PIEZO1: variants seen among roughly 807,000 people sequenced by gnomAD.
PIEZO1 encodes the protein piezo-type mechanosensitive ion channel component 1.
A neutral mutation model predicts 297.2 loss-of-function variants in PIEZO1; 296 were observed. The observed-to-expected ratio is 1.00, with a 90% CI of 0.91 to 1.10. The LOEUF (loss-of-function observed/expected upper bound fraction) is 1.10. Among genes scored for constraint, PIEZO1 ranks in the 50% least tolerant of loss-of-function variants. The pLI is 0.00. For missense variants in PIEZO1, 5,018 were observed against 3,455.5 expected, an observed-to-expected ratio of 1.45 and a Z score of -11.34; for synonymous variants, 2,427 against 1,507.5, an observed-to-expected ratio of 1.61 and a Z score of -14.13.
chr16:88,732,001 A>G, intron 21 of PIEZO1, 91 bp from the exon 22 acceptor site: 1 of 7,334 alleles, frequency 1.4e-4, no homozygotes, highest in Non-Finnish European at 2.2e-4. Context: ...GGCTTGCAGC[A>G]GCCCTGCCTG....
Position 88,721,230 on chromosome 16 carries a change from G to A in PIEZO1, c.5604C>T (p.Arg1868=), listed in dbSNP as rs1355450018. ...TCCTTCTTCTAAAACGTAGACTGAT[G>A]CGCCTCGTATCACGGGGCCTGAGCT... The part of the protein sequence containing the change: ...QVELRPRDTR[R]ISLRFRRRKK... Residue 1868 remains arginine (R), a synonymous_variant, in exon 39 of 51, where the codon CGC becomes CGT. Transcript: ENST00000301015. The A allele has an allele frequency of 1.9e-6, 3 of 1,539,436 alleles. No individual in the cohort carries two copies. Among genetic ancestry groups the A allele is most frequent in the East Asian group, 2.4e-5 (1 of 40,892 alleles).
Position 88,734,769 on chromosome 16 carries a change from G to A in PIEZO1, c.1878C>T (p.Leu626=), listed in dbSNP as rs558879845. Reference sequence around the variant, plus strand: ...CCACCACGAGCCACCAGAAGGCCTTGAGCAGCTTCCGCCACAGGCTGTAGT... The same window carrying A: ...CCACCACGAGCCACCAGAAGGCCTTAAGCAGCTTCCGCCACAGGCTGTAGT... The part of the protein sequence containing the change: ...QVYYSLWRKL[L]KAFWWLVVAY... The change falls in exon 15 of 51, where the codon CTC becomes CTT. Residue 626 remains leucine (L), a synonymous_variant. Coordinates refer to ENST00000301015, the MANE Select transcript of PIEZO1 (RefSeq NM_001142864.4). 1 of 1,550,366 alleles carries A rather than the reference G, an allele frequency of 6.5e-7. No individual in the cohort carries two copies. The highest frequency in any genetic ancestry group is 2.4e-5 in the East Asian group (1 of 40,924).
intron 1 of PIEZO1, among the ~76,000 whole-genome samples, chr16:88,756,139 A>G (rs552673905): frequency 2.3e-4 from 35 of 151,926 alleles, no homozygotes; most frequent in African/African-American, 8.4e-4. Flanking sequence ...GCCATCTGGG[A>G]GCCTCGAGGG....
rs1445988024 is a variant in PIEZO1, at chr16:88,720,510, G to C, written c.5824C>G (p.Leu1942Val). 91 of 1,550,074 alleles carry C rather than the reference G, an allele frequency of 5.9e-5. No individual in the cohort carries two copies. Among genetic ancestry groups the C allele is most frequent in the Non-Finnish European group, 7.4e-5 (85 of 1,146,970 alleles). Residue 1942 changes from leucine (L) to valine (V), a missense_variant, in exon 41 of 51, where the codon CTA (leucine) becomes GTA (valine). Leu to Val is a conservative substitution (Grantham distance 32). Transcript: ENST00000301015. ...LSLAQGTYRP[L>V]RRFFHDILHT... ...AGGATGTCGTGGAAGAAGCGCCGTA[G>C]CGGCCGATATGTGCCCTGGGCCCTG...
chr16:88,749,203 G>A (rs942817109), intron 2 of PIEZO1, among the ~76,000 whole-genome samples, 181 bp downstream of exon 2: 3 of 151,734 alleles, frequency 2.0e-5, no homozygotes, highest in African/African-American at 4.8e-5. Flanking sequence ...TCGCGCCACT[G>A]CACTCCAGCC....
chr16:88,734,129 G>A, intron 16 of PIEZO1, 75 bp from the exon 17 acceptor site: 11 of 1,446,252 alleles, frequency 7.6e-6, no homozygotes, highest in Non-Finnish European at 1.0e-5. Flanking sequence ...AAGAAGCCCT[G>A]TCGGCACCGC....
Position 88,715,929 on chromosome 16 carries a change from TCACC to T in PIEZO1, c.7316_7316+3del. On this transcript the variant is annotated splice_donor_variant and splice_donor_region_variant and coding_sequence_variant and intron_variant, in exon 50 of 51. Transcript: ENST00000301015. LOFTEE classifies it high-confidence loss of function. The stretch of plus-strand genomic sequence containing the variant: ...GCGGGGTGCCCCCCCAGCCACTCAC[TCACC>T]CGTAGCCAGCCAGGAAGCCGAGGCT... 6.5e-7 allele frequency: 1 copy of T among 1,548,162 alleles called. No homozygotes were observed. Among genetic ancestry groups the T allele is most frequent in the Non-Finnish European group, 8.7e-7 (1 of 1,145,448 alleles).
At position 88,726,953 on chromosome 16, in the gene PIEZO1, T is replaced by C. The variant is rs1348948980; in HGVS notation, c.3461A>G (p.Tyr1154Cys). 1.9e-6 allele frequency: 3 copies of C among 1,550,118 alleles called. No individual in the cohort carries two copies. The highest frequency in any genetic ancestry group is 2.6e-6 in the Non-Finnish European group (3 of 1,146,850). ...GACGGCCACCTTCAGCATGTCAAGG[T>C]AGGACCTGCCAGGCCGGAGCGTCAG... ...PVPNFIHCRSYLDMLKVAVFR... is the reference protein window; with the variant it reads ...PVPNFIHCRSCLDMLKVAVFR... The change falls in exon 25 of 51, where the codon TAC becomes TGC. Residue 1154 changes from tyrosine (Y) to cysteine (C), a missense_variant. Physicochemically the swap from Tyr to Cys is radical, Grantham distance 194. Coordinates refer to ENST00000301015, the MANE Select transcript of PIEZO1 (RefSeq NM_001142864.4).
At chr16:88,782,035 C>T (rs894282298) in intron 1 of PIEZO1, among the ~76,000 whole-genome samples, 7 of 152,376 alleles carry the variant, frequency 4.6e-5, no homozygotes, top group Admixed American at 2.0e-4. Flanking sequence ...GCTGGCTTTC[C>T]GCAGCCCTGT....
chr16:88,742,365 G>A lies in PIEZO1; in HGVS notation c.218C>T (p.Ala73Val). 1.3e-6 allele frequency: 2 copies of A among 1,535,378 alleles called. No individual in the cohort carries two copies. The highest frequency in any genetic ancestry group is 1.7e-6 in the Non-Finnish European group (2 of 1,146,562). ...CAGGCAGATCTGGAGGGCGAGATGG[G>A]CCACCAGGAAGAGCAGGCTGAGGCC... The part of the protein sequence containing the change: ...LLGLSLLFLV[A>V]HLALQICLHI... The change falls in exon 3 of 51, where the codon GCC becomes GTC. Residue 73 changes from alanine to valine, a missense_variant. Ala to Val is a moderately conservative substitution (Grantham distance 64). Coordinates refer to ENST00000301015, the MANE Select transcript of PIEZO1 (RefSeq NM_001142864.4).
intron 22 of PIEZO1, among the ~76,000 whole-genome samples, chr16:88,729,957 G>A (rs1458256579): frequency 1.3e-5 from 2 of 152,292 alleles, no homozygotes; most frequent in African/African-American, 2.4e-5. Flanking sequence ...AGGACATGCT[G>A]ATCTCACAGG....
chr16:88,779,255 T>C (rs1907816200), intron 1 of PIEZO1, among the ~76,000 whole-genome samples: 1 of 152,050 alleles, frequency 6.6e-6, no homozygotes. Context: ...GTCAGGCTGG[T>C]CTCGAACTCC....
At chr16:88,730,443 C>G (rs1473479351) in intron 22 of PIEZO1, among the ~76,000 whole-genome samples, 1 of 151,858 alleles carries the variant, frequency 6.6e-6, no homozygotes, top group Admixed American at 6.6e-5. Flanking sequence ...ACTAAAAATA[C>G]AAAAATTAGC....
In PIEZO1 at chr16:88,716,276, C is replaced by G. The variant is rs1391320838; in HGVS notation, c.7051G>C (p.Val2351Leu). 5 of 1,490,518 alleles carry G rather than the reference C, an allele frequency of 3.4e-6. No individual in the cohort carries two copies. Among genetic ancestry groups the G allele is most frequent in the Non-Finnish European group, 9.0e-7 (1 of 1,114,976 alleles). The allele number at this position is 1,490,518 out of a possible 1,614,324, so 92.3% of individuals were successfully genotyped here. The change falls in exon 49 of 51, where the codon GTC (valine) becomes CTC (leucine). Residue 2351 changes from valine (V) to leucine (L), a missense_variant and splice_region_variant. Val to Leu is a conservative substitution (Grantham distance 32). Coordinates refer to ENST00000301015, the MANE Select transcript of PIEZO1 (RefSeq NM_001142864.4). ...LLEGTSDQSV[V>L]IPNLFPKYIR... ...TACTTGGGGAAGAGATTAGGGATGA[C>G]CCTGCAGGGAGGTGCTGGCAGGTCA...
At chr16:88,758,338 C>T (rs1906771964) in intron 1 of PIEZO1, among the ~76,000 whole-genome samples, 1 of 152,158 alleles carries the variant, frequency 6.6e-6, no homozygotes, top group Non-Finnish European at 1.5e-5. Context: ...AGACCAACAT[C>T]GTGCTGCATC....
chr16:88,733,609 G>C lies in PIEZO1; in HGVS notation c.2466C>G (p.Thr822=), dbSNP rs138064042. The C allele has an allele frequency of 1.3e-6, 2 of 1,547,398 alleles. No individual in the cohort carries two copies. Among genetic ancestry groups the C allele is most frequent in the Non-Finnish European group, 1.7e-6 (2 of 1,145,018 alleles). ...LHVFKLVALY[T]VWVALKEVSV... is the part of the protein sequence containing the mutation. The stretch of plus-strand genomic sequence containing the variant: ...TCACCTCCTTCAGGGCCACCCAGAC[G>C]GTGTACAGGGCCACCAGCTTGAAAA... Residue 822 remains threonine (T), a synonymous_variant, in exon 18 of 51, where the codon ACC becomes ACG. Coordinates refer to ENST00000301015, the MANE Select transcript of PIEZO1 (RefSeq NM_001142864.4).
At position 88,720,631 on chromosome 16, in the gene PIEZO1, C is replaced by T. The variant is rs1597444007; in HGVS notation, c.5786G>A (p.Gly1929Asp). Residue 1929 changes from glycine to aspartate, a missense_variant, in exon 40 of 51, where the codon GGC becomes GAC. Physicochemically the swap from Gly to Asp is moderately conservative, Grantham distance 94 (BLOSUM62 -1). Coordinates refer to ENST00000301015, the MANE Select transcript of PIEZO1 (RefSeq NM_001142864.4). ...CATCACTCACAGGGACAGGCAGAAG[C>T]CCTGCAGCCGCCGCCCGGCCGCCCT... is the stretch of plus-strand genomic sequence containing the variant. ...RVRAAGRRLQ[G>D]FCLSLAQGTY... is the part of the protein sequence containing the mutation. 6.5e-7 allele frequency: 1 copy of T among 1,546,122 alleles called. No individual in the cohort carries two copies. Among genetic ancestry groups the T allele is most frequent in the South Asian group, 1.2e-5 (1 of 83,926 alleles).
intron 12 of PIEZO1, among the ~76,000 whole-genome samples, chr16:88,735,484 C>A (rs950723236): frequency 6.6e-6 from 1 of 152,286 alleles, no homozygotes; most frequent in African/African-American, 2.4e-5. Context: ...CGCTCACACG[C>A]AGAGTCACAC....
chr16:88,748,501 C>CA (rs1491111556), intron 2 of PIEZO1, among the ~76,000 whole-genome samples: 1 of 130,538 alleles, frequency 7.7e-6, no homozygotes, highest in Non-Finnish European at 1.7e-5. Context: ...CCCCCCCCCC[C>CA]GCACAAGTGG....
Sources: allele counts gnomAD v4.1 joint callset (sites outside exome capture counted in the v4.1 genomes callset), GRCh38; gene constraint gnomAD v4.1.1; transcripts MANE v1.5; gene names NCBI Gene and HGNC (gene_info 2026-07-23, HGNC 2026-07-21).